Variants in PALLD observed in about 807,000 individuals in gnomAD.
PALLD encodes the protein palladin, cytoskeletal associated protein, also known as palladin.
Under a neutral mutation model 123.5 loss-of-function variants are expected in PALLD, and 61 were observed. The ratio of observed to expected loss-of-function variants is 0.49; its 90% CI spans 0.40 to 0.61. The LOEUF (loss-of-function observed/expected upper bound fraction) is 0.61, where lower values mean the gene tolerates loss of function less well. Ranked by LOEUF, PALLD falls within the 20% of genes least tolerant of loss-of-function variation. The probability of loss-of-function intolerance (pLI) is 0.00; values close to 1 mark genes in which losing one functional copy is unlikely to be tolerated. For missense variants in PALLD, 1,273 were observed against 1,377.0 expected, an observed-to-expected ratio of 0.92 and a Z score of 1.20; for synonymous variants, 465 against 496.4, an observed-to-expected ratio of 0.94 and a Z score of 0.84.
intron 10 of PALLD, among the ~76,000 whole-genome samples, chr4:168,767,461 T>C (rs1276670515): frequency 1.3e-5 from 2 of 152,220 alleles, no homozygotes; most frequent in East Asian, 3.9e-4. Flanking sequence ...CTTAGGCTAA[T>C]ACCAGTAAAT....
chr4:168,689,629 G>A (rs1368045424), intron 6 of PALLD, among the ~76,000 whole-genome samples: 1 of 151,368 alleles, frequency 6.6e-6, no homozygotes, highest in African/African-American at 2.4e-5. Context: ...TGTATTTTTA[G>A]TAGAGACAGG....
intron 2 of PALLD, among the ~76,000 whole-genome samples, chr4:168,615,265 C>T (rs1367925206): frequency 6.6e-6 from 1 of 152,014 alleles, no homozygotes; most frequent in Non-Finnish European, 1.5e-5. Flanking sequence ...CTTTCTGTCC[C>T]AAACAGCATA....
chr4:168,898,422 G>T (rs1032381242), intron 13 of PALLD, 71 bp from the exon 14 acceptor site: 50 of 944,566 alleles, frequency 5.3e-5, no homozygotes, highest in Non-Finnish European at 7.6e-5. Flanking sequence ...GGCCTTATTG[G>T]GGGGCAGGGA....
chr4:168,856,914 A>G (rs1280418236), intron 10 of PALLD, among the ~76,000 whole-genome samples: 1 of 152,256 alleles, frequency 6.6e-6, no homozygotes, highest in Non-Finnish European at 1.5e-5. Flanking sequence ...CCAATTTGCC[A>G]GTGCAGGGGC....
At chr4:168,853,021 T>C (rs1001704510) in intron 10 of PALLD, among the ~76,000 whole-genome samples, 1 of 152,242 alleles carries the variant, frequency 6.6e-6, no homozygotes, top group Non-Finnish European at 1.5e-5. Flanking sequence ...ACTAATAAAT[T>C]AGTTTTCATA....
At chr4:168,522,188 T>C (rs1763628950) in intron 2 of PALLD, among the ~76,000 whole-genome samples, 1 of 152,264 alleles carries the variant, frequency 6.6e-6, no homozygotes, top group Non-Finnish European at 1.5e-5. Context: ...TAATTGAAAG[T>C]GGTTCCCCAA....
At chr4:168,662,755 C>G (rs959582676) in intron 2 of PALLD, among the ~76,000 whole-genome samples, 3 of 152,168 alleles carry the variant, frequency 2.0e-5, no homozygotes, top group Admixed American at 2.0e-4. Context: ...GAGTTCTTTG[C>G]CAGGAAGCTG....
chr4:168,897,215 A>G (rs769163371), intron 13 of PALLD, among the ~76,000 whole-genome samples: 1 of 152,162 alleles, frequency 6.6e-6, no homozygotes, highest in Non-Finnish European at 1.5e-5. Flanking sequence ...ATACCTTTCT[A>G]TGGGGAACAA....
At chr4:168,734,614 C>T (rs1235445748) in intron 10 of PALLD, among the ~76,000 whole-genome samples, 1 of 152,164 alleles carries the variant, frequency 6.6e-6, no homozygotes, top group Non-Finnish European at 1.5e-5. Context: ...TCTTCATTAG[C>T]CGTTACTATG....
chr4:168,726,734 G>C (rs1786625179), intron 10 of PALLD, among the ~76,000 whole-genome samples: 1 of 151,494 alleles, frequency 6.6e-6, no homozygotes, highest in Admixed American at 6.6e-5. Flanking sequence ...CCTTCAGGCA[G>C]ATGAGATGCT....
At chr4:168,853,106 T>C (rs1748040174) in intron 10 of PALLD, among the ~76,000 whole-genome samples, 1 of 152,204 alleles carries the variant, frequency 6.6e-6, no homozygotes, top group Non-Finnish European at 1.5e-5. Flanking sequence ...TAGCTAATTA[T>C]TGATAGGAAA....
intron 10 of PALLD, among the ~76,000 whole-genome samples, chr4:168,836,969 T>C (rs1745293691): frequency 6.6e-6 from 1 of 152,116 alleles, no homozygotes; most frequent in Non-Finnish European, 1.5e-5. Flanking sequence ...CAACTTGAGT[T>C]TTTTAAGGTT....
intron 2 of PALLD, among the ~76,000 whole-genome samples, chr4:168,627,600 T>A (rs1005085324): frequency 6.6e-6 from 1 of 152,198 alleles, no homozygotes; most frequent in Non-Finnish European, 1.5e-5. Context: ...GACAGGCCTA[T>A]CTATGACTCT....
chr4:168,711,747 G>A lies in PALLD; in HGVS notation c.1788G>A (p.Arg596=), dbSNP rs763763366. ...QVNNPELGLS[R]AALQMQFNAA... is the part of the protein sequence containing the mutation. ...ACAACCCTGAGTTAGGCCTGAGCAG[G>A]GCAGCCCTTCAAATGCAATTCAATG... The change falls in exon 10 of 22, where the codon AGG becomes AGA. Residue 596 remains arginine (R), a synonymous_variant. Transcript: ENST00000505667. 1.2e-6 allele frequency: 2 copies of A among 1,614,142 alleles called. No homozygotes were observed. Among genetic ancestry groups the A allele is most frequent in the East Asian group, 2.2e-5 (1 of 44,882 alleles).
intron 10 of PALLD, among the ~76,000 whole-genome samples, chr4:168,819,481 A>T (rs1742419595): frequency 6.6e-6 from 1 of 152,170 alleles, no homozygotes; most frequent in African/African-American, 2.4e-5. Flanking sequence ...GAGCACCTGC[A>T]TCAGGATCTC....
chr4:168,892,752 A>G (rs535319478), intron 11 of PALLD, among the ~76,000 whole-genome samples: 2 of 150,808 alleles, frequency 1.3e-5, no homozygotes, highest in South Asian at 2.1e-4. Context: ...TTGGCTGTCT[A>G]TGTCAATGTT....
At chr4:168,765,359 T>G (rs759349782) in intron 10 of PALLD, among the ~76,000 whole-genome samples, 1 of 152,016 alleles carries the variant, frequency 6.6e-6, no homozygotes, top group African/African-American at 2.4e-5. Flanking sequence ...CCAGAGGACA[T>G]GAGAGATTAG....
chr4:168,890,832 A>G, intron 10 of PALLD, 90 bp from the exon 11 acceptor site: 1 of 1,293,472 alleles, frequency 7.7e-7, no homozygotes, highest in Admixed American at 1.7e-5. Context: ...ACATGCTGAT[A>G]CCTTGCACTG....
chr4:168,511,960 A>C lies in PALLD; in HGVS notation c.456A>C (p.Val152=), dbSNP rs1047405524. Residue 152 remains valine (V), a synonymous_variant, in exon 2 of 22, where the codon GTA becomes GTC. Transcript: ENST00000505667. Reference sequence around the variant, plus strand: ...GTGCAAAAACTCCCAGCACAAACGTAAAGCCCAAAACGCCACATCAAAGAA... The same window carrying C: ...GTGCAAAAACTCCCAGCACAAACGTCAAGCCCAAAACGCCACATCAAAGAA... The part of the protein sequence containing the change: ...KRGAKTPSTN[V]KPKTPHQRKG... 6.2e-7 allele frequency: 1 copy of C among 1,614,124 alleles called. No individual in the cohort carries two copies. Among genetic ancestry groups the C allele is most frequent in the African/African-American group, 1.3e-5 (1 of 74,938 alleles).
Sources: allele counts gnomAD v4.1 joint callset (sites outside exome capture counted in the v4.1 genomes callset), GRCh38; gene constraint gnomAD v4.1.1; transcripts MANE v1.5; gene names NCBI Gene and HGNC (gene_info 2026-07-23, HGNC 2026-07-21).